The following PKIG variants were observed in gnomAD, a reference collection of about 807,000 sequenced individuals.
PKIG encodes cAMP-dependent protein kinase inhibitor gamma.
A neutral mutation model predicts 6.8 loss-of-function variants in PKIG; 1 was observed. That is an observed-to-expected ratio of 0.15 (90% CI 0.05 to 0.69). The LOEUF (loss-of-function observed/expected upper bound fraction) is 0.69. Ranked by LOEUF, PKIG falls within the 30% of genes least tolerant of loss-of-function variation. The pLI is 0.82. For missense variants in PKIG, 77 were observed against 104.0 expected (o/e 0.74, Z 1.13); for synonymous variants, 39 against 43.0 (o/e 0.91, Z 0.36).
At chr20:44,545,738 C>G (rs2064607754) in intron 1 of PKIG, among the ~76,000 whole-genome samples, 3 of 151,866 alleles carry the variant, frequency 2.0e-5, no homozygotes, top group Admixed American at 2.0e-4. Context: ...TCACTTAAGC[C>G]CAGGAGTTTG....
chr20:44,558,406 A>C (rs1297111090), intron 1 of PKIG, among the ~76,000 whole-genome samples: 1 of 152,172 alleles, frequency 6.6e-6, no homozygotes, highest in Non-Finnish European at 1.5e-5. Flanking sequence ...GGTAAAGTTC[A>C]GATATCTTTT....
intron 1 of PKIG, among the ~76,000 whole-genome samples, chr20:44,565,962 A>G (rs1600856551): frequency 6.6e-6 from 1 of 152,296 alleles, no homozygotes; most frequent in East Asian, 1.9e-4. Context: ...GGGTTTCACC[A>G]TGTTGGCTAG....
chr20:44,531,957 C>A (rs932446601), exon 1 of PKIG: 3 of 152,330 alleles, frequency 2.0e-5, no homozygotes, highest in Non-Finnish European at 4.4e-5. Flanking sequence ...GGCCCAGGCA[C>A]GGAGAGGCGG....
intron 2 of PKIG, among the ~76,000 whole-genome samples, chr20:44,591,335 T>C (rs244104): frequency 0.23 from 34,723 of 151,970 alleles, 5,294 homozygotes; most frequent in African/African-American, 0.43. Flanking sequence ...CTGAACTTTA[T>C]CCTGATGGCT....
chr20:44,604,700 G>T (rs2065149149), intron 2 of PKIG, among the ~76,000 whole-genome samples: 1 of 152,170 alleles, frequency 6.6e-6, no homozygotes, highest in African/African-American at 2.4e-5. Flanking sequence ...ATCAGAAGTA[G>T]AACTCATGCA....
chr20:44,601,689 A>T (rs191507376), intron 2 of PKIG, among the ~76,000 whole-genome samples: 1 of 152,290 alleles, frequency 6.6e-6, no homozygotes, highest in East Asian at 1.9e-4. Context: ...TTCTCCCATA[A>T]GACCAGGTCC....
intron 1 of PKIG, among the ~76,000 whole-genome samples, chr20:44,561,227 C>T (rs2064764328): frequency 6.6e-6 from 1 of 152,114 alleles, no homozygotes; most frequent in African/African-American, 2.4e-5. Flanking sequence ...ATCTCAGCTA[C>T]TTGAGAGGCT....
upstream of PKIG, among the ~76,000 whole-genome samples, chr20:44,580,246 A>AC (rs2064936107): frequency 1.3e-5 from 2 of 152,322 alleles, no homozygotes; most frequent in East Asian, 3.9e-4. Flanking sequence ...GCACAGCAAG[A>AC]AGGTCTAGGG....
At chr20:44,607,386 T>A (rs1294840266) in intron 2 of PKIG, among the ~76,000 whole-genome samples, 2 of 144,660 alleles carry the variant, frequency 1.4e-5, no homozygotes, top group South Asian at 2.2e-4. Context: ...TATTTTTTTT[T>A]TTTTTTTTTT....
chr20:44,535,614 C>T (rs1469521559), intron 1 of PKIG, among the ~76,000 whole-genome samples: 2 of 152,056 alleles, frequency 1.3e-5, no homozygotes, highest in Non-Finnish European at 2.9e-5. Flanking sequence ...GCACTCCAGC[C>T]TGGGTGACAA....
intron 2 of PKIG, among the ~76,000 whole-genome samples, chr20:44,608,649 C>T (rs1482915559): frequency 6.6e-6 from 1 of 151,822 alleles, no homozygotes; most frequent in Non-Finnish European, 1.5e-5. Context: ...AGATTCCCAT[C>T]CCTGAAAAAA....
intron 1 of PKIG, among the ~76,000 whole-genome samples, chr20:44,562,012 G>A (rs2064771343): frequency 6.6e-6 from 1 of 152,140 alleles, no homozygotes; most frequent in South Asian, 2.1e-4. Flanking sequence ...AGAGAAGCTA[G>A]GCATGGTGGT....
intron 1 of PKIG, among the ~76,000 whole-genome samples, chr20:44,572,279 T>C (rs1057412978): frequency 1.3e-5 from 2 of 152,214 alleles, no homozygotes; most frequent in African/African-American, 4.8e-5. Flanking sequence ...GTGCTGGGAT[T>C]ACAGGCGTGA....
At chr20:44,551,711 G>A (rs1356177868) in intron 1 of PKIG, among the ~76,000 whole-genome samples, 1 of 152,152 alleles carries the variant, frequency 6.6e-6, no homozygotes, top group Non-Finnish European at 1.5e-5. Flanking sequence ...TGACTTGACT[G>A]GTCTTCTGCT....
At chr20:44,570,167 T>C (rs1401904731) in intron 1 of PKIG, among the ~76,000 whole-genome samples, 1 of 152,174 alleles carries the variant, frequency 6.6e-6, no homozygotes, top group African/African-American at 2.4e-5. Flanking sequence ...CAACAAAACA[T>C]GGACTGTGAG....
chr20:44,614,569 G>A lies in PKIG; in HGVS notation c.13G>A (p.Glu5Lys), dbSNP rs1490055708. The A allele has an allele frequency of 2.5e-6, 4 of 1,613,864 alleles. No individual in the cohort carries two copies. The highest frequency in any genetic ancestry group is 1.1e-5 in the South Asian group (1 of 91,084). Reference protein sequence around the residue: MMEVESSYSDFISCD... With the variant: MMEVKSSYSDFISCD... ...CGATGCGACAGGCATGATGGAGGTC[G>A]AGTCCTCCTACTCGGACTTCATCTC... Residue 5 changes from glutamate to lysine, a missense_variant, in exon 3 of 4, where the codon GAG becomes AAG. Coordinates refer to ENST00000372886, the MANE Select transcript of PKIG (RefSeq NM_001281445.2). The surrounding 1 kb of genome is among the most constrained non-coding windows in gnomAD (Gnocchi z 4.6).
chr20:44,556,323 T>C (rs569032708), intron 1 of PKIG, among the ~76,000 whole-genome samples: 3 of 152,310 alleles, frequency 2.0e-5, no homozygotes, highest in Admixed American at 6.5e-5. Context: ...TTATTAGCCA[T>C]AATAGTGTCT....
intron 1 of PKIG, among the ~76,000 whole-genome samples, chr20:44,587,858 T>C (rs2065003010): frequency 6.6e-6 from 1 of 152,236 alleles, no homozygotes; most frequent in Admixed American, 6.5e-5. Context: ...CAATCACTAC[T>C]ATCTGCAATT....
chr20:44,577,424 G>A (rs559269995), intron 1 of PKIG, among the ~76,000 whole-genome samples: 14 of 152,250 alleles, frequency 9.2e-5, no homozygotes, highest in African/African-American at 1.7e-4. Flanking sequence ...GTCAGCCACC[G>A]TGCTTGACCA....
Sources: allele counts gnomAD v4.1 joint callset (sites outside exome capture counted in the v4.1 genomes callset), GRCh38; gene constraint gnomAD v4.1.1; non-coding constraint Gnocchi (gnomAD v3.1); transcripts MANE v1.5; gene names NCBI Gene and HGNC (gene_info 2026-07-23, HGNC 2026-07-21).